Variants in PTPRS observed in about 807,000 individuals in gnomAD.
The protein encoded by PTPRS is protein tyrosine phosphatase receptor type S.
Under a neutral mutation model 215.3 loss-of-function variants are expected in PTPRS, and 63 were observed. That is an observed-to-expected ratio of 0.29 (90% CI 0.24 to 0.36). The LOEUF (loss-of-function observed/expected upper bound fraction) is 0.36, where lower values mean the gene tolerates loss of function less well. Among genes scored for constraint, PTPRS ranks in the 10% least tolerant of loss-of-function variants. PTPRS has a pLI of 1.00. For missense variants in PTPRS, 2,258 were observed against 2,825.8 expected (o/e 0.80, Z 4.56); for synonymous variants, 1,404 against 1,191.4 (o/e 1.18, Z -3.68).
At chr19:5,325,915 C>G (rs1384951385) in intron 1 of PTPRS, among the ~76,000 whole-genome samples, 1 of 152,212 alleles carries the variant, frequency 6.6e-6, no homozygotes, top group Admixed American at 6.5e-5. Context: ...CCAGGAGATG[C>G]CCCAAACAGT....
At chr19:5,307,792 A>G (rs775419457) in intron 1 of PTPRS, among the ~76,000 whole-genome samples, 5 of 152,346 alleles carry the variant, frequency 3.3e-5, no homozygotes, top group Non-Finnish European at 7.3e-5. Context: ...CGGTGCGTAG[A>G]CGGAGACCAT....
rs1211192798 is a variant in PTPRS, at chr19:5,338,375, G to C, written c.-95+2289C>G. ...TGGGAGGCCTAGCCCCCATGCAGAAGTGCACCGTCATGATGAGGGTGTCCC... is the reference window on the plus strand; with the variant it reads ...TGGGAGGCCTAGCCCCCATGCAGAACTGCACCGTCATGATGAGGGTGTCCC... On this transcript the variant is annotated intron_variant, in intron 1 of 37. Coordinates refer to ENST00000262963, the MANE Select transcript of PTPRS (RefSeq NM_002850.4). The surrounding 1 kb of genome is among the most constrained non-coding windows in gnomAD (Gnocchi z 4.2). 6.6e-6 allele frequency among the ~76,000 whole-genome samples: 1 copy of C among 152,172 alleles called. No individual in the cohort carries two copies. The highest frequency in any genetic ancestry group is 1.5e-5 in the Non-Finnish European group (1 of 68,028).
At chr19:5,331,709 C>T (rs910128123) in intron 1 of PTPRS, among the ~76,000 whole-genome samples, 3 of 152,182 alleles carry the variant, frequency 2.0e-5, no homozygotes, top group Non-Finnish European at 2.9e-5. Context: ...CAAACGACTG[C>T]GCTACAGAAA....
At chr19:5,282,068 A>G (rs2047900663) in intron 2 of PTPRS, among the ~76,000 whole-genome samples, 1 of 151,400 alleles carries the variant, frequency 6.6e-6, no homozygotes. Flanking sequence ...ATACCTGCTT[A>G]TGTGGCTCTC....
chr19:5,215,263 G>C (rs1222373993), intron 28 of PTPRS, 26 bp downstream of exon 28: 1 of 1,612,540 alleles, frequency 6.2e-7, no homozygotes, highest in African/African-American at 1.3e-5. Context: ...GGAAGGGCAG[G>C]TTAAGACCCG....
At chr19:5,303,954 A>AAAAAAAAATAAAATAAAAATAAAAAT in intron 1 of PTPRS, among the ~76,000 whole-genome samples, 7 of 132,330 alleles carry the variant, frequency 5.3e-5, no homozygotes, top group African/African-American at 2.1e-4. Flanking sequence ...CTGTCTCAAA[A>AAAAAAAAATAAAATAAAAATAAAAAT]AATAATAATA....
Position 5,214,846 on chromosome 19 carries a change from C to A in PTPRS, c.4319-110G>T, listed in dbSNP as rs756687831. On this transcript the variant is annotated intron_variant, in intron 28 of 37. Transcript: ENST00000262963. ...ACTCTGACCGCTCCCAGATTGTCCCCAAGGTGACCATGGGACGTGTACTTC... is the reference window on the plus strand; with the variant it reads ...ACTCTGACCGCTCCCAGATTGTCCCAAAGGTGACCATGGGACGTGTACTTC... 85 of 1,134,596 alleles carry A rather than the reference C, an allele frequency of 7.5e-5. No individual in the cohort carries two copies. The Admixed American group carries it at 1.0e-3, about 14-fold the overall frequency. 70.3% of individuals were successfully genotyped at this position (1,134,596 alleles called of 1,614,324 possible). A position where few individuals can be genotyped will look rare whatever the true frequency, so the allele number is the denominator to read the frequency against.
chr19:5,306,706 T>C (rs1477725952), intron 1 of PTPRS, among the ~76,000 whole-genome samples: 1 of 152,124 alleles, frequency 6.6e-6, no homozygotes, highest in Non-Finnish European at 1.5e-5. Context: ...GGGAAGCATT[T>C]TTGTCTCTCA....
intron 1 of PTPRS, among the ~76,000 whole-genome samples, chr19:5,315,351 GTTTTTTTTTTTTTT>G (rs952833168): frequency 1.3e-5 from 1 of 79,802 alleles, no homozygotes; most frequent in African/African-American, 5.8e-5. Context: ...TTTGAAAAGG[GTTTTTTTTTTTTTT>G]TTTTTTTTTT....
chr19:5,272,384 G>T (rs894896284), intron 4 of PTPRS, among the ~76,000 whole-genome samples: 16 of 151,688 alleles, frequency 1.1e-4, no homozygotes, highest in South Asian at 8.4e-4. Flanking sequence ...GATCACTTGA[G>T]GTCAGGAGTT....
intron 26 of PTPRS, 29 bp downstream of exon 26, chr19:5,216,691 G>A (rs1029760621): frequency 2.4e-5 from 37 of 1,519,428 alleles, no homozygotes; most frequent in Admixed American, 3.9e-5. Context: ...GGGGGCGAAA[G>A]GAAGCCAAAA....
rs763308110 is a variant in PTPRS at position 5,293,924 on chromosome 19, G to A, written c.-94-7690C>T. ...GCCAGGCCCGCGACACCGGAGCAGA[G>A]GGAGAGGAGGAGGGAGAGGGAGGGG... is the stretch of plus-strand genomic sequence containing the variant. On this transcript the variant is annotated intron_variant, in intron 1 of 37. Coordinates refer to ENST00000262963, the MANE Select transcript of PTPRS (RefSeq NM_002850.4). This position sits in a 1 kb window ranked among gnomAD's most constrained non-coding sequence, Gnocchi z 8.4. Among the ~76,000 whole-genome samples the A allele has an allele frequency of 1.4e-4, 22 of 152,318 alleles. No individual in the cohort carries two copies. The highest frequency in any genetic ancestry group is 2.5e-4 in the Non-Finnish European group (17 of 68,016).
rs781134304 is a variant in PTPRS, at chr19:5,220,115, G to T, written c.3589C>A (p.Arg1197=). The T allele has an allele frequency of 6.2e-7, 1 of 1,612,826 alleles. No individual in the cohort carries two copies. Among genetic ancestry groups the T allele is most frequent in the Non-Finnish European group, 8.5e-7 (1 of 1,179,758 alleles). Residue 1197 remains arginine, a synonymous_variant, in exon 22 of 38, where the codon CGG becomes AGG. Coordinates refer to ENST00000262963, the MANE Select transcript of PTPRS (RefSeq NM_002850.4). ...GGCACCTCCAGCTGACGCGAGTGCC[G>T]CAGGCTGCGCCTCTGTAGCCGTGAG... ...DISRLQRRSL[R]HSRQLEVPRP...
At chr19:5,333,322 A>AAATAAT (rs35174348) in intron 1 of PTPRS, among the ~76,000 whole-genome samples, 18 of 143,630 alleles carry the variant, frequency 1.3e-4, no homozygotes, top group Middle Eastern at 3.6e-3. Flanking sequence ...AAAAATAAAT[A>AAATAAT]AATAATAATA....
rs201423065 is a variant in PTPRS at position 5,222,812 on chromosome 19, C to T, written c.2980G>A (p.Ala994Thr). Residue 994 changes from alanine (A) to threonine (T), a missense_variant, in exon 18 of 38, where the codon GCG (alanine) becomes ACG (threonine). By Grantham distance (58) the Ala-to-Thr change is moderately conservative. Coordinates refer to ENST00000262963, the MANE Select transcript of PTPRS (RefSeq NM_002850.4). Reference protein sequence around the residue: ...PAAAEPGAENALTLQGLKPDT... With the variant: ...PAAAEPGAENTLTLQGLKPDT... ...GGCTTCAGGCCCTGCAGCGTGAGCG[C>T]GTTCTCCGCGCCCGGCTCAGCCGCT... 1.9e-4 allele frequency: 304 copies of T among 1,597,056 alleles called. 3 individuals are homozygous for T. In the East Asian group the frequency reaches 3.1e-3, roughly 16 times the overall value.
chr19:5,312,067 G>A (rs1343030520), intron 1 of PTPRS, among the ~76,000 whole-genome samples: 3 of 151,640 alleles, frequency 2.0e-5, no homozygotes, highest in Non-Finnish European at 2.9e-5. Context: ...AAAGAAATAC[G>A]CATCCCACAT....
chr19:5,214,323 C>T, intron 30 of PTPRS, 38 bp downstream of exon 30: 2 of 1,613,584 alleles, frequency 1.2e-6, no homozygotes, highest in African/African-American at 1.3e-5. Context: ...CCAACACATT[C>T]CTCCACCCTC....
chr19:5,221,434 C>CAACCTCACTGAACCCT (rs1162461361), intron 19 of PTPRS, among the ~76,000 whole-genome samples, 181 bp from the exon 20 acceptor site: 3 of 151,830 alleles, frequency 2.0e-5, no homozygotes, highest in African/African-American at 7.3e-5. Context: ...GACTGAGCCC[C>CAACCTCACTGAACCCT]AACCTCACTG....
chr19:5,332,776 A>T (rs2147289450), intron 1 of PTPRS, among the ~76,000 whole-genome samples: 1 of 152,332 alleles, frequency 6.6e-6, no homozygotes, highest in East Asian at 1.9e-4. Context: ...AAGCATTCCC[A>T]ACATTCCAGG....
Sources: allele counts gnomAD v4.1 joint callset (sites outside exome capture counted in the v4.1 genomes callset), GRCh38; gene constraint gnomAD v4.1.1; non-coding constraint Gnocchi (gnomAD v3.1); transcripts MANE v1.5; gene names NCBI Gene and HGNC (gene_info 2026-07-23, HGNC 2026-07-21).